MFSD12: variants seen among roughly 807,000 people sequenced by gnomAD.
MFSD12 encodes the protein major facilitator superfamily domain-containing protein 12.
MFSD12 carries 67 observed loss-of-function variants against 51.2 expected under a neutral mutation model. That is an observed-to-expected ratio of 1.31 (90% confidence interval 1.08 to 1.60). The LOEUF (loss-of-function observed/expected upper bound fraction) is 1.60. Among genes scored for constraint, MFSD12 ranks in the 40% most tolerant of loss-of-function variants. MFSD12 has a pLI of 0.00. For missense variants in MFSD12, 921 were observed against 673.0 expected (o/e 1.37, Z -4.08); for synonymous variants, 441 against 316.7 (o/e 1.39, Z -4.17).
In MFSD12 at chr19:3,544,372, G is replaced by C. The variant is rs943976390; in HGVS notation, c.*338C>G. 2.9e-4 allele frequency: 376 copies of C among 1,281,428 alleles called. No individual in the cohort carries two copies. The highest frequency in any genetic ancestry group is 3.5e-4 in the Non-Finnish European group (358 of 1,014,108). 79.4% of individuals were successfully genotyped at this position (1,281,428 alleles called of 1,614,324 possible). On this transcript the variant is annotated 3_prime_UTR_variant, in exon 10 of 10. Transcript: ENST00000355415. ...CTGGAGACCCCCAGGCTGGAGGTGA[G>C]GGGTGAACTGGACTGAGCTCAGGGT...
At chr19:3,538,828 G>C in intron 4 of MFSD12, 1 of 558,732 alleles carries the variant, frequency 1.8e-6, no homozygotes, top group Non-Finnish European at 3.6e-6. Context: ...AGGTGCCTGC[G>C]ACCCCGGCCA....
chr19:3,549,998 G>A (rs1218904739), intron 2 of MFSD12, among the ~76,000 whole-genome samples: 1 of 152,102 alleles, frequency 6.6e-6, no homozygotes, highest in Non-Finnish European at 1.5e-5. Flanking sequence ...GGGAGAGAGG[G>A]CTTAGGGCTT....
At position 3,547,262 on chromosome 19, in the gene MFSD12, G is replaced by C. The variant is rs369099260; in HGVS notation, c.1023+10C>G. The stretch of plus-strand genomic sequence containing the variant: ...TCCGCCCCAGCTGTCCCCGGTCCCC[G>C]CCCACTCACGTTCCTCCCAATGCAC... On this transcript the variant is annotated intron_variant, in intron 6 of 9. Transcript: ENST00000355415. 1.2e-6 allele frequency: 2 copies of C among 1,610,440 alleles called. No homozygotes were observed. The highest frequency in any genetic ancestry group is 2.7e-5 in the African/African-American group (2 of 74,896).
chr19:3,554,486 A>G (rs568501854), intron 1 of MFSD12, among the ~76,000 whole-genome samples: 2 of 151,430 alleles, frequency 1.3e-5, no homozygotes, highest in East Asian at 1.9e-4. Context: ...TTCCTGCCTC[A>G]CAGGCTGCTG....
chr19:3,546,944 C>T (rs527684490), intron 6 of MFSD12, among the ~76,000 whole-genome samples: 3 of 152,320 alleles, frequency 2.0e-5, no homozygotes, highest in African/African-American at 7.2e-5. Context: ...CGCCATTCTC[C>T]TGCCTCAGCC....
Position 3,544,213 on chromosome 19 carries a change from T to C in MFSD12, c.*497A>G, listed in dbSNP as rs150907742. Reference sequence around the variant, plus strand: ...AGGAGCCAGGCTGCCGTCATCTCTTTATTTGCTGCCAGCAGAGTCCACCAA... The same window carrying C: ...AGGAGCCAGGCTGCCGTCATCTCTTCATTTGCTGCCAGCAGAGTCCACCAA... On this transcript the variant is annotated 3_prime_UTR_variant, in exon 10 of 10. Coordinates refer to ENST00000355415, the MANE Select transcript of MFSD12 (RefSeq NM_174983.5). 398 of 1,347,996 alleles carry C rather than the reference T, an allele frequency of 3.0e-4. 4 individuals are homozygous for C. The East Asian group carries it at 9.5e-3, about 32-fold the overall frequency. The allele number at this position is 1,347,996 out of a possible 1,614,324, so 83.5% of individuals were successfully genotyped here.
rs567160205 is a variant in MFSD12, at chr19:3,546,337, G to A, written c.1112C>T (p.Ala371Val). Residue 371 changes from alanine to valine, a missense_variant, in exon 7 of 10, where the codon GCG (alanine) becomes GTG (valine). Coordinates refer to ENST00000355415, the MANE Select transcript of MFSD12 (RefSeq NM_174983.5). ...ACAGCCAGCACCCAGCAGCACAGCCGCTGCGTACACGGCCACACCCAGTCC... is the reference window on the plus strand; with the variant it reads ...ACAGCCAGCACCCAGCAGCACAGCCACTGCGTACACGGCCACACCCAGTCC... ...AEGLGVAVYAAAVLLGAGCAT... is the reference protein window; with the variant it reads ...AEGLGVAVYAVAVLLGAGCAT... 298 of 1,607,968 alleles carry A rather than the reference G, an allele frequency of 1.9e-4. 1 individual carries two copies. The South Asian group carries it at 1.9e-3, about 10-fold the overall frequency.
rs45476505 is a variant in MFSD12, at chr19:3,546,291, C to A, written c.1158G>T (p.Ser386=). 6.2e-7 allele frequency: 1 copy of A among 1,609,792 alleles called. No individual in the cohort carries two copies. The change falls in exon 7 of 10, where the codon TCG becomes TCT. Residue 386 remains serine, a synonymous_variant. Coordinates refer to ENST00000355415, the MANE Select transcript of MFSD12 (RefSeq NM_174983.5). ...GAGCATILVT[S]LAMTADLIGP... ...CGATGAGGTCGGCCGTCATGGCCAG[C>A]GAGGTGACGAGGATGGTGGCACAGC...
intron 4 of MFSD12, chr19:3,539,157 G>GC: frequency 6.5e-7 from 1 of 1,538,262 alleles, no homozygotes; most frequent in Non-Finnish European, 8.8e-7. Flanking sequence ...TCTGGCAGGA[G>GC]CCCGGGGGAT....
At chr19:3,546,482 C>A in intron 6 of MFSD12, 57 bp from the exon 7 acceptor site, 1 of 1,530,556 alleles carries the variant, frequency 6.5e-7, no homozygotes. Flanking sequence ...AAGCCTGGCG[C>A]TTCAATCCGC....
chr19:3,550,801 C>T (rs1375585053), intron 2 of MFSD12, among the ~76,000 whole-genome samples, 183 bp downstream of exon 2: 1 of 151,818 alleles, frequency 6.6e-6, no homozygotes, highest in African/African-American at 2.4e-5. Flanking sequence ...TGCAGTCAGC[C>T]GAGATCACCC....
At chr19:3,538,858 G>T in intron 4 of MFSD12, 1 of 582,712 alleles carries the variant, frequency 1.7e-6, no homozygotes, top group East Asian at 4.1e-5. Context: ...TCCTGCGATC[G>T]AAGGGGCAGG....
chr19:3,556,816 A>G (rs933199340), intron 1 of MFSD12, among the ~76,000 whole-genome samples: 5 of 151,284 alleles, frequency 3.3e-5, no homozygotes, highest in African/African-American at 9.7e-5. Flanking sequence ...GGGTGGTGGG[A>G]CTGATGGAGG....
chr19:3,542,798 C>G (rs1316263771), downstream of MFSD12: 1 of 1,370,638 alleles, frequency 7.3e-7, no homozygotes, highest in African/African-American at 1.5e-5. Context: ...GTCCCCCAGT[C>G]TTCCCTGGGC....
At position 3,544,642 on chromosome 19, in the gene MFSD12, A is replaced by C. The variant is rs2030789328; in HGVS notation, c.*68T>G. The C allele has an allele frequency of 6.5e-7, 1 of 1,528,180 alleles. No homozygotes were observed. The highest frequency in any genetic ancestry group is 1.3e-5 in the South Asian group (1 of 79,264). The allele number at this position is 1,528,180 out of a possible 1,614,324, so 94.7% of individuals were successfully genotyped here. On this transcript the variant is annotated 3_prime_UTR_variant, in exon 10 of 10. Transcript: ENST00000355415. ...TGAGGGGCAGTGGGGGCTTTTCCCCAAGGCCCTGGGGGGCATCCTCGTGCG... is the reference window on the plus strand; with the variant it reads ...TGAGGGGCAGTGGGGGCTTTTCCCCCAGGCCCTGGGGGGCATCCTCGTGCG...
rs575979215 is a variant in MFSD12 at position 3,557,427 on chromosome 19, C to A, written c.-24G>T. The A allele has an allele frequency of 1.7e-6, 2 of 1,204,528 alleles. No individual in the cohort carries two copies. Among genetic ancestry groups the A allele is most frequent in the Non-Finnish European group, 2.1e-6 (2 of 965,392 alleles). The allele number at this position is 1,204,528 out of a possible 1,614,324, so 74.6% of individuals were successfully genotyped here. A position where few individuals can be genotyped will look rare whatever the true frequency, so the allele number is the denominator to read the frequency against. On this transcript the variant is annotated 5_prime_UTR_variant, in exon 1 of 10. Coordinates refer to ENST00000355415, the MANE Select transcript of MFSD12 (RefSeq NM_174983.5). ...ATCGCGGCGCCGGGCCCGCGCCCCC[C>A]ACCCCCGGGCTCCGCGGAGGGTACC... is the stretch of plus-strand genomic sequence containing the variant.
At position 3,544,418 on chromosome 19, in the gene MFSD12, C is replaced by A; in HGVS notation, c.*292G>T. The A allele has an allele frequency of 3.0e-6, 4 of 1,326,924 alleles. No individual in the cohort carries two copies. The highest frequency in any genetic ancestry group is 3.8e-6 in the Non-Finnish European group (4 of 1,040,108). The allele number at this position is 1,326,924 out of a possible 1,614,324, so 82.2% of individuals were successfully genotyped here. ...AGGGTTAGGGTTCCCCCAGACCCTT[C>A]TGGGATTCCTACTTCCTGTTCCCTG... On this transcript the variant is annotated 3_prime_UTR_variant, in exon 10 of 10. Transcript: ENST00000355415.
downstream of MFSD12, chr19:3,539,525 C>T: frequency 2.0e-6 from 1 of 492,084 alleles, no homozygotes; most frequent in East Asian, 3.1e-5. Context: ...GGAGCTTCGG[C>T]CACAGAAATG....
At chr19:3,545,142 A>C (rs564364250) in intron 8 of MFSD12, among the ~76,000 whole-genome samples, 2 of 151,968 alleles carry the variant, frequency 1.3e-5, no homozygotes, top group Non-Finnish European at 2.9e-5. Flanking sequence ...TCCATGCCAA[A>C]TCCACCATGT....
Sources: allele counts gnomAD v4.1 joint callset (sites outside exome capture counted in the v4.1 genomes callset), GRCh38; gene constraint gnomAD v4.1.1; transcripts MANE v1.5; gene names NCBI Gene and HGNC (gene_info 2026-07-23, HGNC 2026-07-21).